DCC: variants seen among roughly 807,000 people sequenced by gnomAD.
DCC encodes netrin receptor DCC.
DCC carries 58 observed loss-of-function variants against 172.5 expected under a neutral mutation model. That is an observed-to-expected ratio of 0.34 (90% CI 0.27 to 0.42). DCC has a LOEUF of 0.42. DCC is among the 10% of genes least tolerant of loss of function. The pLI, the probability that DCC is intolerant of heterozygous loss-of-function variation, is 1.00. For missense variants in DCC, 1,740 were observed against 1,791.0 expected (o/e 0.97, Z 0.51); for synonymous variants, 709 against 644.5 (o/e 1.10, Z -1.52).
intron 1 of DCC, among the ~76,000 whole-genome samples, chr18:52,359,919 A>G (rs1367528340): frequency 6.6e-6 from 1 of 152,222 alleles, no homozygotes; most frequent in Non-Finnish European, 1.5e-5. Context: ...CAATTTTTCC[A>G]TGCCTCCATG....
Position 52,838,621 on chromosome 18 carries a change from C to T in DCC, c.413-67423C>T, listed in dbSNP as rs575024228. On this transcript the variant is annotated intron_variant, in intron 2 of 28. Transcript: ENST00000442544. Reference sequence around the variant, plus strand: ...AGTATTAAACAATAATAAGTATTTACTCAATTCTTACTATGAACCAGATAT... The same window carrying T: ...AGTATTAAACAATAATAAGTATTTATTCAATTCTTACTATGAACCAGATAT... 2.0e-5 allele frequency among the ~76,000 whole-genome samples: 3 copies of T among 152,254 alleles called. No individual in the cohort carries two copies. In the East Asian group the frequency reaches 5.8e-4, roughly 29 times the overall value.
chr18:52,765,863 G>A (rs1304859267), intron 2 of DCC, among the ~76,000 whole-genome samples: 1 of 152,114 alleles, frequency 6.6e-6, no homozygotes, highest in Non-Finnish European at 1.5e-5. Context: ...AACGTTCTGG[G>A]CCTAGTTTTT....
At chr18:53,398,688 A>G in intron 18 of DCC, among the ~76,000 whole-genome samples, 1 of 152,120 alleles carries the variant, frequency 6.6e-6, no homozygotes, top group Admixed American at 6.6e-5. Flanking sequence ...CATAAACATA[A>G]AATGCACACC....
chr18:53,351,329 TATAC>T (rs2057795619), intron 15 of DCC, among the ~76,000 whole-genome samples: 1 of 48,964 alleles, frequency 2.0e-5, no homozygotes, highest in Non-Finnish European at 4.1e-5. Flanking sequence ...TGTATATATA[TATAC>T]AGTGTATATA....
intron 1 of DCC, among the ~76,000 whole-genome samples, chr18:52,630,887 C>T (rs1242514448): frequency 6.6e-6 from 1 of 152,160 alleles, no homozygotes; most frequent in Non-Finnish European, 1.5e-5. Flanking sequence ...TCCAGGTGCC[C>T]TTTGAGAGGA....
intron 2 of DCC, among the ~76,000 whole-genome samples, chr18:52,889,295 C>G (rs956353006): frequency 6.6e-6 from 1 of 151,916 alleles, no homozygotes; most frequent in Non-Finnish European, 1.5e-5. Context: ...TATTCAGATC[C>G]CTTTCATTAA....
rs149694482 is a variant in DCC at position 53,244,675 on chromosome 18, C to T, written c.1911+29078C>T. 2.7e-4 allele frequency among the ~76,000 whole-genome samples: 41 copies of T among 152,164 alleles called. No individual in the cohort carries two copies. The East Asian group carries it at 7.8e-3, about 29-fold the overall frequency. ...ATCTCCACGTGGCCTCTCCTTGAGG[C>T]TTGGACTTCTCACAATATGGCAGCT... On this transcript the variant is annotated intron_variant, in intron 12 of 28. Transcript: ENST00000442544.
chr18:53,232,742 TTA>T (rs1411650204), intron 12 of DCC, among the ~76,000 whole-genome samples: 1 of 152,124 alleles, frequency 6.6e-6, no homozygotes. Context: ...CTCTACCACT[TTA>T]TTTCATCCAC....
intron 5 of DCC, among the ~76,000 whole-genome samples, chr18:52,952,934 G>A (rs1251595172): frequency 1.4e-5 from 2 of 139,468 alleles, no homozygotes; most frequent in Non-Finnish European, 1.5e-5. Context: ...GGAAGTCAAG[G>A]CTGCAGTTAG....
At chr18:53,365,366 C>A in intron 15 of DCC, among the ~76,000 whole-genome samples, 1 of 148,616 alleles carries the variant, frequency 6.7e-6, no homozygotes, top group African/African-American at 2.5e-5. Flanking sequence ...CTATTGTGCA[C>A]AGGTACCCTA....
At chr18:52,603,912 A>C (rs945660996) in intron 1 of DCC, among the ~76,000 whole-genome samples, 3 of 152,052 alleles carry the variant, frequency 2.0e-5, no homozygotes, top group East Asian at 1.9e-4. Context: ...TAAGAAATTT[A>C]TCACTTTGTT....
intron 5 of DCC, among the ~76,000 whole-genome samples, chr18:53,046,146 G>A (rs902849515): frequency 1.3e-5 from 2 of 151,780 alleles, no homozygotes; most frequent in East Asian, 1.9e-4. Flanking sequence ...GAATATAATC[G>A]ATGCTGGAAT....
chr18:53,448,613 C>T (rs940894664), intron 22 of DCC, among the ~76,000 whole-genome samples: 4 of 152,160 alleles, frequency 2.6e-5, no homozygotes, highest in African/African-American at 9.7e-5. Flanking sequence ...AATCCCAGCA[C>T]TTTGGGAGAC....
At chr18:52,367,203 G>C (rs62083509) in intron 1 of DCC, among the ~76,000 whole-genome samples, 15,823 of 152,204 alleles carry the variant, frequency 0.1, 1,033 homozygotes, top group African/African-American at 0.18. Flanking sequence ...TCTGAGTGCG[G>C]GGCCCGCCAA....
At chr18:53,257,612 G>C (rs565243031) in intron 12 of DCC, among the ~76,000 whole-genome samples, 1 of 152,284 alleles carries the variant, frequency 6.6e-6, no homozygotes, top group African/African-American at 2.4e-5. Context: ...GATTTGGTTT[G>C]CCAGTATTTT....
intron 12 of DCC, among the ~76,000 whole-genome samples, chr18:53,280,232 A>T (rs1287510670): frequency 6.6e-6 from 1 of 152,012 alleles, no homozygotes; most frequent in African/African-American, 2.4e-5. Flanking sequence ...GCAAACTGTT[A>T]TTTTTATTTT....
intron 5 of DCC, among the ~76,000 whole-genome samples, chr18:52,973,490 G>A (rs2041063811): frequency 1.3e-5 from 2 of 152,010 alleles, no homozygotes; most frequent in African/African-American, 4.8e-5. Flanking sequence ...TCATATTTCT[G>A]CTCCCTAAGT....
At chr18:53,112,160 A>G (rs967537204) in intron 7 of DCC, among the ~76,000 whole-genome samples, 5 of 151,562 alleles carry the variant, frequency 3.3e-5, no homozygotes, top group Non-Finnish European at 5.9e-5. Flanking sequence ...AGGAGATGTT[A>G]TACCAAAAAT....
chr18:53,369,299 T>C (rs2058036359), intron 15 of DCC, among the ~76,000 whole-genome samples: 1 of 151,986 alleles, frequency 6.6e-6, no homozygotes, highest in Non-Finnish European at 1.5e-5. Context: ...GTGTATTTGC[T>C]CTAAAAGGTG....
Sources: allele counts gnomAD v4.1 joint callset (sites outside exome capture counted in the v4.1 genomes callset), GRCh38; gene constraint gnomAD v4.1.1; transcripts MANE v1.5; gene names NCBI Gene and HGNC (gene_info 2026-07-23, HGNC 2026-07-21).